NSD1: variants seen among roughly 807,000 people sequenced by gnomAD.
NSD1 encodes the protein nuclear receptor binding SET domain protein 1.
A neutral mutation model predicts 242.7 loss-of-function variants in NSD1; 26 were observed. The ratio of observed to expected loss-of-function variants is 0.11; its 90% confidence interval spans 0.08 to 0.15. NSD1 has a LOEUF of 0.15. Among genes scored for constraint, NSD1 ranks in the 10% least tolerant of loss-of-function variants. NSD1 has a pLI of 1.00. For missense variants in NSD1, 2,495 were observed against 3,272.8 expected (o/e 0.76, Z 5.80); for synonymous variants, 1,106 against 1,178.1 (o/e 0.94, Z 1.25).
At chr5:177,257,842 A>ATTTTATT (rs1554199689) in intron 13 of NSD1, among the ~76,000 whole-genome samples, 1 of 143,094 alleles carries the variant, frequency 7.0e-6, no homozygotes, top group Non-Finnish European at 1.5e-5. Context: ...ATTTTATTTT[A>ATTTTATT]TTTTTTTTTG....
At chr5:177,258,708 G>A (rs1478397043) in intron 13 of NSD1, among the ~76,000 whole-genome samples, 1 of 151,884 alleles carries the variant, frequency 6.6e-6, no homozygotes, top group Non-Finnish European at 1.5e-5. Context: ...GCTAATTTTT[G>A]TATTTTTAGT....
chr5:177,276,492 A>G (rs1440507379), intron 17 of NSD1, among the ~76,000 whole-genome samples: 1 of 151,690 alleles, frequency 6.6e-6, no homozygotes, highest in Non-Finnish European at 1.5e-5. Context: ...CACCTGGCTA[A>G]TTTTTGTGTT....
At chr5:177,277,299 T>G (rs981618031) in intron 17 of NSD1, among the ~76,000 whole-genome samples, 1 of 152,204 alleles carries the variant, frequency 6.6e-6, no homozygotes, top group Non-Finnish European at 1.5e-5. Flanking sequence ...TTGTGACACA[T>G]AAAGATGATA....
At chr5:177,233,749 G>A (rs1765238446) in intron 5 of NSD1, among the ~76,000 whole-genome samples, 1 of 152,046 alleles carries the variant, frequency 6.6e-6, no homozygotes, top group African/African-American at 2.4e-5. Flanking sequence ...TTTCAGGGAA[G>A]CTGGACAGGA....
In NSD1 at chr5:177,296,961, T is replaced by C. The variant is rs1284333009; in HGVS notation, c.*1502T>C. 8.6e-6 allele frequency: 2 copies of C among 233,384 alleles called. No homozygotes were observed. Among genetic ancestry groups the C allele is most frequent in the Non-Finnish European group, 1.7e-5 (2 of 118,074 alleles). 14.5% of individuals were successfully genotyped at this position (233,384 alleles called of 1,614,324 possible). A position where few individuals can be genotyped will look rare whatever the true frequency, so the allele number is the denominator to read the frequency against. Reference sequence around the variant, plus strand: ...TCTCCTGGCCATTATCTCTTAGTTATGGCTTTCACGCTCTCAATAGGATTC... The same window carrying C: ...TCTCCTGGCCATTATCTCTTAGTTACGGCTTTCACGCTCTCAATAGGATTC... On this transcript the variant is annotated 3_prime_UTR_variant, in exon 23 of 23. Transcript: ENST00000439151.
At chr5:177,278,927 C>T (rs993361135) in intron 17 of NSD1, among the ~76,000 whole-genome samples, 1 of 152,232 alleles carries the variant, frequency 6.6e-6, no homozygotes, top group African/African-American at 2.4e-5. Flanking sequence ...AAAACCTCTA[C>T]ATTAATGGCT....
chr5:177,220,090 T>C (rs992416356), intron 5 of NSD1, among the ~76,000 whole-genome samples: 2 of 152,248 alleles, frequency 1.3e-5, no homozygotes, highest in Non-Finnish European at 2.9e-5. Flanking sequence ...TCAAGTCCTC[T>C]GTTTCTTTAT....
chr5:177,249,896 G>A (rs115373026), intron 11 of NSD1, among the ~76,000 whole-genome samples: 4,278 of 152,248 alleles, frequency 0.028, 77 homozygotes, highest in Middle Eastern at 0.044. Context: ...AGACCAGCCA[G>A]GCAACATGGT....
rs2127283722 is a variant in NSD1, at chr5:177,294,974, G to A, written c.7606G>A (p.Ala2536Thr). The change falls in exon 23 of 23, where the codon GCC becomes ACC. Residue 2536 changes from alanine (A) to threonine (T), a missense_variant. Ala to Thr is a moderately conservative substitution (Grantham distance 58, BLOSUM62 0). Transcript: ENST00000439151. ...PWQAVKSLTQ[A>T]RLLSQPPAKA... is the part of the protein sequence containing the mutation. Reference sequence around the variant, plus strand: ...GCAAGCTGTTAAATCACTCACCCAGGCCAGACTTCTTTCTCAGCCTCCTGC... The same window carrying A: ...GCAAGCTGTTAAATCACTCACCCAGACCAGACTTCTTTCTCAGCCTCCTGC... 1.9e-6 allele frequency: 3 copies of A among 1,614,226 alleles called. No individual in the cohort carries two copies. Among genetic ancestry groups the A allele is most frequent in the South Asian group, 1.1e-5 (1 of 91,090 alleles).
At chr5:177,243,679 G>A (rs779890692) in intron 8 of NSD1, among the ~76,000 whole-genome samples, 1 of 152,052 alleles carries the variant, frequency 6.6e-6, no homozygotes, top group Non-Finnish European at 1.5e-5. Flanking sequence ...GTGTTCACAG[G>A]TCTGTTGGAG....
Position 177,143,819 on chromosome 5 carries a change from A to G in NSD1, c.927+7789A>G, listed in dbSNP as rs1164564403. Among the ~76,000 whole-genome samples, 3 of 132,946 alleles carry G rather than the reference A, an allele frequency of 2.3e-5. No homozygotes were observed. In the Admixed American group the frequency reaches 2.6e-4, roughly 11 times the overall value. 87.2% of individuals were successfully genotyped at this position (132,946 alleles called of 152,430 possible). On this transcript the variant is annotated intron_variant, in intron 2 of 22. Transcript: ENST00000439151. ...TTTTTTTTTTTGAGACAGAGTCTCT[A>G]TCGCCCAGGCTGGAGTGCAAAATGG...
intron 3 of NSD1, among the ~76,000 whole-genome samples, chr5:177,202,149 C>T (rs528963889): frequency 5.0e-4 from 73 of 145,992 alleles, no homozygotes; most frequent in African/African-American, 1.8e-3. Context: ...GACTGAGCAA[C>T]AAGAGTGAAA....
At chr5:177,179,122 A>AT in intron 2 of NSD1, among the ~76,000 whole-genome samples, 1 of 152,336 alleles carries the variant, frequency 6.6e-6, no homozygotes, top group Middle Eastern at 3.4e-3. Flanking sequence ...AAATCGTGTG[A>AT]TGGAACTTGG....
At chr5:177,270,154 A>AGTCTTGTCTTGTATT (rs1757834934) in intron 16 of NSD1, among the ~76,000 whole-genome samples, 1 of 150,438 alleles carries the variant, frequency 6.6e-6, no homozygotes, top group Admixed American at 6.6e-5. Flanking sequence ...TGCTCCAAGG[A>AGTCTTGTCTTGTATT]GTCTTGTCTT....
At chr5:177,177,168 G>C (rs1760273398) in intron 2 of NSD1, among the ~76,000 whole-genome samples, 2 of 152,146 alleles carry the variant, frequency 1.3e-5, no homozygotes, top group African/African-American at 4.8e-5. Context: ...GAGCAGAATA[G>C]ACATTGTGTC....
chr5:177,162,297 T>TA (rs546547200), intron 2 of NSD1, among the ~76,000 whole-genome samples: 3,438 of 142,472 alleles, frequency 0.024, 38 homozygotes, highest in Non-Finnish European at 0.03. Flanking sequence ...GACTCGGTCT[T>TA]AAAAAAAAAA....
At chr5:177,185,331 G>A (rs1343380975) in intron 2 of NSD1, among the ~76,000 whole-genome samples, 1 of 151,978 alleles carries the variant, frequency 6.6e-6, no homozygotes, top group Non-Finnish European at 1.5e-5. Flanking sequence ...AGGTGCTGTG[G>A]CTCACGTCTG....
chr5:177,217,668 T>TC, intron 5 of NSD1, among the ~76,000 whole-genome samples: 1 of 145,992 alleles, frequency 6.8e-6, no homozygotes, highest in African/African-American at 2.5e-5. Context: ...GTCACATTCT[T>TC]TTTTTTTTTT....
At chr5:177,177,322 C>G (rs1184726848) in intron 2 of NSD1, among the ~76,000 whole-genome samples, 1 of 152,026 alleles carries the variant, frequency 6.6e-6, no homozygotes, top group East Asian at 1.9e-4. Flanking sequence ...CAAGACCAGC[C>G]TTGCCAACCT....
Sources: gnomAD v4.1 joint callset for allele counts (sites outside exome capture counted in the v4.1 genomes callset) on GRCh38, gnomAD v4.1.1 for gene constraint, MANE v1.5 for transcripts, NCBI Gene and HGNC (gene_info 2026-07-23, HGNC 2026-07-21) for gene names.